The following CYP4F8 variants were observed in gnomAD, a reference collection of about 807,000 sequenced individuals.
CYP4F8 encodes the protein cytochrome P450 family 4 subfamily F member 8, also known as cytochrome P450 4F8.
A neutral mutation model predicts 55.0 loss-of-function variants in CYP4F8; 56 were observed. The ratio of observed to expected loss-of-function variants is 1.02; its 90% CI spans 0.82 to 1.27. CYP4F8 has a LOEUF of 1.27. CYP4F8 is among the 50% of genes most tolerant of loss of function. CYP4F8 has a pLI of 0.00. For synonymous variants in CYP4F8, 288 were observed against 267.3 expected (o/e 1.08, Z -0.76); for missense variants, 680 against 682.4 (o/e 1.00, Z 0.04).
chr19:15,623,872 T>A, intron 8 of CYP4F8, 93 bp from the exon 9 acceptor site: 1 of 1,593,838 alleles, frequency 6.3e-7, no homozygotes, highest in Non-Finnish European at 8.6e-7. Context: ...CCCCCTCCCC[T>A]CAACCTTCCT....
intron 9 of CYP4F8, among the ~76,000 whole-genome samples, chr19:15,625,196 A>T (rs1053901387): frequency 6.6e-6 from 1 of 151,298 alleles, no homozygotes; most frequent in Admixed American, 6.6e-5. Flanking sequence ...ACATTTAGAA[A>T]TTTTTCCCTT....
intron 5 of CYP4F8, 75 bp downstream of exon 5, chr19:15,619,837 T>G: frequency 6.4e-7 from 1 of 1,556,824 alleles, no homozygotes. Context: ...TCTGGAATGT[T>G]GGCTCTCCTG....
At chr19:15,615,884 TG>T (rs1232233630) in intron 2 of CYP4F8, 70 bp downstream of exon 2, 2 of 940,856 alleles carry the variant, frequency 2.1e-6, no homozygotes, top group Non-Finnish European at 3.0e-6. Flanking sequence ...GCTGAGGGGG[TG>T]GGCTCGGGTC....
In CYP4F8 at chr19:15,619,550, A is replaced by T; in HGVS notation, c.397+7A>T. 1 of 1,614,182 alleles carries T rather than the reference A, an allele frequency of 6.2e-7. No individual in the cohort carries two copies. Among genetic ancestry groups the T allele is most frequent in the Non-Finnish European group, 8.5e-7 (1 of 1,180,028 alleles). ...ACCCTGAAGCCCTGGCTGGGTAAGT[A>T]ACTGTAGGTGGACGGGACGGGGACC... On this transcript the variant is annotated splice_region_variant and intron_variant, in intron 4 of 12. Transcript: ENST00000612078.
At chr19:15,615,435 A>G (rs1234968964) in intron 1 of CYP4F8, 155 bp downstream of exon 1, 1 of 631,594 alleles carries the variant, frequency 1.6e-6, no homozygotes, top group East Asian at 3.2e-5. Context: ...TCTGGTCTCT[A>G]GTTTCCTTGA....
chr19:15,620,156 G>T (rs1972175603), intron 5 of CYP4F8, among the ~76,000 whole-genome samples: 1 of 152,188 alleles, frequency 6.6e-6, no homozygotes, highest in South Asian at 2.1e-4. Flanking sequence ...CATGTGGATA[G>T]GATCCCTCAT....
chr19:15,616,631 A>G (rs4239612), intron 2 of CYP4F8, among the ~76,000 whole-genome samples: 139,235 of 152,148 alleles, frequency 0.92, 63,753 homozygotes, highest in Admixed American at 0.96. Context: ...CCCTCACATC[A>G]TGACACAGCT....
At chr19:15,619,235 T>C (rs1185651696) in intron 3 of CYP4F8, 49 of 483,484 alleles carry the variant, frequency 1.0e-4, no homozygotes, top group Non-Finnish European at 1.5e-4. Flanking sequence ...TGTTGGACCA[T>C]GTAGGAGCCA....
In CYP4F8 at chr19:15,615,605, C is replaced by G; in HGVS notation, c.-1-11C>G. 1 of 1,612,748 alleles carries G rather than the reference C, an allele frequency of 6.2e-7. No homozygotes were observed. ...CTCAGGACCTCACCCTCCATCCCGT[C>G]TGCCCTGCAGGATGTCGCTGCTGAG... is the stretch of plus-strand genomic sequence containing the variant. On this transcript the variant is annotated splice_polypyrimidine_tract_variant and intron_variant, in intron 1 of 12. Coordinates refer to ENST00000612078, the MANE Select transcript of CYP4F8 (RefSeq NM_007253.4).
chr19:15,624,222 G>A (rs1972234483), intron 9 of CYP4F8, 128 bp downstream of exon 9: 23 of 1,452,488 alleles, frequency 1.6e-5, no homozygotes, highest in Non-Finnish European at 1.9e-5. Context: ...AGTGGGAATA[G>A]GAGTAGAGCC....
At chr19:15,622,538 G>A (rs1972208238) in intron 6 of CYP4F8, among the ~76,000 whole-genome samples, 198 bp downstream of exon 6, 1 of 152,194 alleles carries the variant, frequency 6.6e-6, no homozygotes. Context: ...AACTGTTTGG[G>A]TCAAGGCAAG....
chr19:15,625,349 G>A lies in CYP4F8; in HGVS notation c.1115+1255G>A, dbSNP rs1281074180. On this transcript the variant is annotated intron_variant, in intron 9 of 12. Transcript: ENST00000612078. ...GTGTGTGTATATATATATATATAGTGTATATATATAGTGTATATATATATA... is the reference window on the plus strand; with the variant it reads ...GTGTGTGTATATATATATATATAGTATATATATATAGTGTATATATATATA... Among the ~76,000 whole-genome samples, 4 of 140,610 alleles carry A rather than the reference G, an allele frequency of 2.8e-5. No individual in the cohort carries two copies. In the South Asian group the frequency reaches 8.8e-4, roughly 31 times the overall value. The allele number at this position is 140,610 out of a possible 152,430, so 92.2% of individuals were successfully genotyped here. A position where few individuals can be genotyped will look rare whatever the true frequency, so the allele number is the denominator to read the frequency against.
chr19:15,625,147 A>T (rs1041556944), intron 9 of CYP4F8, among the ~76,000 whole-genome samples: 2 of 151,692 alleles, frequency 1.3e-5, no homozygotes, highest in Non-Finnish European at 2.9e-5. Context: ...TAATAGGCTT[A>T]TATATTTTTA....
intron 2 of CYP4F8, among the ~76,000 whole-genome samples, chr19:15,616,236 C>CCACTCATTCCTCGCT (rs1972119693): frequency 1.9e-5 from 1 of 51,730 alleles, no homozygotes; most frequent in African/African-American, 9.6e-5. Context: ...CTCTCCTCAC[C>CCACTCATTCCTCGCT]CACTCATTCC....
Position 15,623,301 on chromosome 19 carries a change from G to A in CYP4F8, c.844G>A (p.Gly282Ser), listed in dbSNP as rs1484600523. 6.2e-7 allele frequency: 1 copy of A among 1,613,952 alleles called. No homozygotes were observed. The highest frequency in any genetic ancestry group is 1.1e-5 in the South Asian group (1 of 91,064). The change falls in exon 7 of 13, where the codon GGT becomes AGT. Residue 282 changes from glycine (G) to serine (S), a missense_variant. By Grantham distance (56) the Gly-to-Ser change is moderately conservative. Transcript: ENST00000612078. The stretch of plus-strand genomic sequence containing the variant: ...GCGGCGCCGCACCCTCACTAGCCAG[G>A]GTGTTGATGACTTCCTCCAAGCCAA... ...QERRRTLTSQ[G>S]VDDFLQAKAK...
intron 5 of CYP4F8, chr19:15,621,770 G>C (rs1359687384): frequency 6.3e-6 from 1 of 159,112 alleles, no homozygotes; most frequent in African/African-American, 2.4e-5. Flanking sequence ...TTGTGAAGTA[G>C]AGGATATTTT....
intron 2 of CYP4F8, among the ~76,000 whole-genome samples, chr19:15,617,571 G>T (rs1169359424): frequency 6.6e-6 from 1 of 151,850 alleles, no homozygotes; most frequent in Non-Finnish European, 1.5e-5. Context: ...CTAATCTATG[G>T]AGAGACAGAA....
chr19:15,617,303 C>T (rs955206195), intron 2 of CYP4F8, among the ~76,000 whole-genome samples: 5 of 152,150 alleles, frequency 3.3e-5, no homozygotes, highest in African/African-American at 1.2e-4. Context: ...TTAGATACTG[C>T]CCCCAAGAGA....
At chr19:15,627,756 A>G (rs1043574638) in intron 9 of CYP4F8, 1 of 152,510 alleles carries the variant, frequency 6.6e-6, no homozygotes, top group African/African-American at 2.4e-5. Context: ...TTTTCACACA[A>G]ACAAATGAAC....
Sources: allele counts gnomAD v4.1 joint callset (sites outside exome capture counted in the v4.1 genomes callset), GRCh38; gene constraint gnomAD v4.1.1; transcripts MANE v1.5; gene names NCBI Gene and HGNC (gene_info 2026-07-23, HGNC 2026-07-21).